The following SYTL4 variants were observed in gnomAD, a reference collection of about 807,000 sequenced individuals.
The protein encoded by SYTL4 is synaptotagmin-like protein 4.
A neutral mutation model predicts 52.7 loss-of-function variants in SYTL4; 16 were observed. That is an observed-to-expected ratio of 0.30 (90% confidence interval 0.21 to 0.46). SYTL4 has a LOEUF of 0.46. Ranked by LOEUF, SYTL4 falls within the 20% of genes least tolerant of loss-of-function variation. The pLI, the probability that SYTL4 is intolerant of heterozygous loss-of-function variation, is 1.00. For synonymous variants in SYTL4, 160 were observed against 186.6 expected (o/e 0.86, Z 1.16); for missense variants, 423 against 519.9 (o/e 0.81, Z 1.81).
At position 100,723,693 on chromosome X, in the gene SYTL4, G is replaced by A. The variant is rs762818793; in HGVS notation, c.-240+7725C>T. 4.9e-3 allele frequency among the ~76,000 whole-genome samples: 535 copies of A among 109,974 alleles called. 4 individuals carry two copies. Among genetic ancestry groups the A allele is most frequent in the African/African-American group, 0.016 (481 of 30,114 alleles). On this transcript the variant is annotated intron_variant, in intron 2 of 19. Transcript: ENST00000372989. ...GAGATGTGGGGAGCGCCTCTGCCCT[G>A]CCGCCCCGTCTGGGATGTGAGGAGC...
chrX:100,690,679 C>A, intron 9 of SYTL4, 41 bp from the exon 10 acceptor site: 1 of 1,020,188 alleles, frequency 9.8e-7, no homozygotes, highest in Non-Finnish European at 1.4e-6. Context: ...TCACCTCCTA[C>A]CCTTCCCCTT....
At chrX:100,700,644 C>T (rs921333835) in intron 8 of SYTL4, among the ~76,000 whole-genome samples, 2 of 111,619 alleles carry the variant, frequency 1.8e-5, no homozygotes, top group Admixed American at 1.9e-4. Flanking sequence ...GTATAAAGAA[C>T]AAACTATTCA....
chrX:100,695,669 G>A (rs1249706042), intron 8 of SYTL4, among the ~76,000 whole-genome samples: 1 of 112,077 alleles, frequency 8.9e-6, no homozygotes, highest in Non-Finnish European at 1.9e-5. Flanking sequence ...AGATGTTCAT[G>A]TTATATCCTT....
Position 100,679,344 on chromosome X carries a change from C to T in SYTL4, c.1627G>A (p.Ala543Thr), listed in dbSNP as rs1432828579. 1.7e-6 allele frequency: 2 copies of T among 1,211,561 alleles called. No individual in the cohort carries two copies. The highest frequency in any genetic ancestry group is 2.2e-5 in the Admixed American group (1 of 46,064). ...KEAKNLTAAK[A>T]GGTSDSFVKG... is the part of the protein sequence containing the mutation. ...ACAAAGCTGTCTGAAGTCCCTCCTGCTTTGGCAGCCGTCAAGTTCTTGGCT... is the reference window on the plus strand; with the variant it reads ...ACAAAGCTGTCTGAAGTCCCTCCTGTTTTGGCAGCCGTCAAGTTCTTGGCT... The change falls in exon 18 of 20, where the codon GCA becomes ACA. Residue 543 changes from alanine to threonine, a missense_variant. Coordinates refer to ENST00000372989, the MANE Select transcript of SYTL4 (RefSeq NM_001370165.1).
chrX:100,696,283 A>G (rs979144621), intron 8 of SYTL4, among the ~76,000 whole-genome samples: 2 of 112,418 alleles, frequency 1.8e-5, no homozygotes, highest in African/African-American at 6.5e-5. Context: ...CAAAGTAGCT[A>G]TGCCATTGTA....
chrX:100,686,648 G>A (rs1426935808), intron 15 of SYTL4, 31 bp downstream of exon 15: 1 of 1,104,065 alleles, frequency 9.1e-7, no homozygotes, highest in South Asian at 1.9e-5. Context: ...GACAGAACAA[G>A]TTCTCCTACC....
At position 100,703,657 on chromosome X, in the gene SYTL4, C is replaced by T. The variant is rs895111390; in HGVS notation, c.-163-472G>A. Among the ~76,000 whole-genome samples the T allele has an allele frequency of 2.7e-5, 3 of 112,267 alleles. No homozygotes were observed. In the South Asian group the frequency reaches 1.1e-3, roughly 41 times the overall value. On this transcript the variant is annotated intron_variant, in intron 3 of 19. Coordinates refer to ENST00000372989, the MANE Select transcript of SYTL4 (RefSeq NM_001370165.1). Reference sequence around the variant, plus strand: ...ACAAATGCACAAGCAAGAGTATATGCACAAGACTATTACTGCAACATTATT... The same window carrying T: ...ACAAATGCACAAGCAAGAGTATATGTACAAGACTATTACTGCAACATTATT...
At chrX:100,684,689 T>C (rs1365931217) in intron 16 of SYTL4, 1 of 11,970 alleles carries the variant, frequency 8.4e-5, no homozygotes, top group African/African-American at 9.1e-5. Flanking sequence ...AAAATTTCTT[T>C]CTTTCTTTTT....
chrX:100,681,592 G>A (rs979081831), intron 16 of SYTL4, among the ~76,000 whole-genome samples: 3 of 111,741 alleles, frequency 2.7e-5, no homozygotes, highest in Admixed American at 9.5e-5. Flanking sequence ...TGGGGGCATA[G>A]TTACTAGATT....
intron 16 of SYTL4, chrX:100,685,651 C>G (rs908292453): frequency 1.1e-4 from 15 of 141,497 alleles, no homozygotes; most frequent in Non-Finnish European, 1.8e-4. Flanking sequence ...CAAAAGGGTA[C>G]AGATTAGGAT....
chrX:100,682,557 A>G (rs2083394558), intron 16 of SYTL4, among the ~76,000 whole-genome samples: 1 of 109,665 alleles, frequency 9.1e-6, no homozygotes, highest in South Asian at 4.1e-4. Flanking sequence ...AAAACACAGA[A>G]ATCAGCCGAC....
At position 100,726,266 on chromosome X, in the gene SYTL4, C is replaced by A. The variant is rs756861525; in HGVS notation, c.-240+5152G>T. On this transcript the variant is annotated intron_variant, in intron 2 of 19. Transcript: ENST00000372989. Reference sequence around the variant, plus strand: ...TCCAGTTTTATGGAGGTATACTTGACAAAAATTGTGTCTATTTATGGTGTA... The same window carrying A: ...TCCAGTTTTATGGAGGTATACTTGAAAAAAATTGTGTCTATTTATGGTGTA... Among the ~76,000 whole-genome samples the A allele has an allele frequency of 5.6e-4, 62 of 111,034 alleles. 1 individual carries two copies. The highest frequency in any genetic ancestry group is 1.8e-3 in the African/African-American group (56 of 30,551).
chrX:100,707,178 C>T (rs1427061245), intron 2 of SYTL4, among the ~76,000 whole-genome samples: 1 of 111,837 alleles, frequency 8.9e-6, no homozygotes, highest in East Asian at 2.8e-4. Context: ...AGAATATTTA[C>T]TCCCAAAACT....
chrX:100,727,044 G>T (rs903677008), intron 2 of SYTL4, among the ~76,000 whole-genome samples: 2 of 110,457 alleles, frequency 1.8e-5, no homozygotes, highest in African/African-American at 6.6e-5. Context: ...TCTACGATCT[G>T]CCTTCTCTCC....
At chrX:100,696,581 T>C (rs1008164243) in intron 8 of SYTL4, among the ~76,000 whole-genome samples, 3 of 112,108 alleles carry the variant, frequency 2.7e-5, no homozygotes, top group Admixed American at 9.5e-5. Context: ...GTGCATTTTC[T>C]ATGGGATTGT....
chrX:100,676,587 C>T (rs958128924), intron 19 of SYTL4, among the ~76,000 whole-genome samples: 1 of 111,700 alleles, frequency 9.0e-6, no homozygotes, highest in Admixed American at 9.5e-5. Flanking sequence ...TGGGTTCAAG[C>T]GATTCTCCCG....
chrX:100,690,843 C>G (rs762215243), intron 9 of SYTL4, among the ~76,000 whole-genome samples: 1 of 112,207 alleles, frequency 8.9e-6, no homozygotes, highest in South Asian at 3.8e-4. Flanking sequence ...CTCACACCCT[C>G]ATTCTTAAGG....
In SYTL4 at chrX:100,675,889, T is replaced by TACACACAC. The variant is rs10623103; in HGVS notation, c.*138_*139insGTGTGTGT. 63,986 of 377,648 alleles carry TACACACAC rather than the reference T, an allele frequency of 0.17. 2,899 individuals are homozygous for TACACACAC. The highest frequency in any genetic ancestry group is 0.3 in the East Asian group (6,081 of 20,585). 31.1% of individuals were successfully genotyped at this position (377,648 alleles called of 1,213,427 possible). A position where few individuals can be genotyped will look rare whatever the true frequency, so the allele number is the denominator to read the frequency against. On this transcript the variant is annotated 3_prime_UTR_variant, in exon 20 of 20. Coordinates refer to ENST00000372989, the MANE Select transcript of SYTL4 (RefSeq NM_001370165.1). ...GAGATTTGCAGAAAATACATGTTTG[T>TACACACAC]ACACATACACACACACACACACACA... is the stretch of plus-strand genomic sequence containing the variant.
chrX:100,725,870 G>A (rs1398979519), intron 2 of SYTL4, among the ~76,000 whole-genome samples: 1 of 111,534 alleles, frequency 9.0e-6, no homozygotes, highest in East Asian at 2.8e-4. Context: ...GCTTTCTGAT[G>A]AGTTTAAAGA....
Sources: gnomAD v4.1 joint callset for allele counts (sites outside exome capture counted in the v4.1 genomes callset) on GRCh38, gnomAD v4.1.1 for gene constraint, MANE v1.5 for transcripts, NCBI Gene and HGNC (gene_info 2026-07-23, HGNC 2026-07-21) for gene names.